DZIP1: variants seen among roughly 807,000 people sequenced by gnomAD.
DZIP1 encodes the protein DAZ interacting zinc finger protein 1.
In DZIP1, 97 loss-of-function variants were observed where a neutral mutation model predicts 107.6. That is an observed-to-expected ratio of 0.90 (90% CI 0.77 to 1.07). The LOEUF is 1.07. Ranked by LOEUF, DZIP1 falls within the 50% of genes least tolerant of loss-of-function variation. The pLI, the probability that DZIP1 is intolerant of heterozygous loss-of-function variation, is 0.00. For missense variants in DZIP1, 1,035 were observed against 1,063.6 expected (o/e 0.97, Z 0.37); for synonymous variants, 390 against 386.4 (o/e 1.01, Z -0.11).
chr13:95,609,398 G>A (rs1424340964), intron 13 of DZIP1, 59 bp downstream of exon 13: 17 of 1,150,146 alleles, frequency 1.5e-5, no homozygotes, highest in Non-Finnish European at 2.0e-5. Flanking sequence ...TAAAAGTTAT[G>A]TTTTGGTTTA....
intron 12 of DZIP1, 141 bp from the exon 13 acceptor site, chr13:95,609,654 A>G: frequency 4.3e-6 from 2 of 460,782 alleles, no homozygotes; most frequent in Non-Finnish European, 7.7e-6. Flanking sequence ...GAGAATAAAT[A>G]TGTGTAACAT....
intron 16 of DZIP1, among the ~76,000 whole-genome samples, chr13:95,592,941 T>A (rs2044351238): frequency 6.6e-6 from 1 of 152,144 alleles, no homozygotes; most frequent in Non-Finnish European, 1.5e-5. Flanking sequence ...ACCCTTTCCC[T>A]CCGATTGGGA....
chr13:95,639,035 A>T (rs1195949633), intron 5 of DZIP1, among the ~76,000 whole-genome samples: 1 of 152,192 alleles, frequency 6.6e-6, no homozygotes, highest in Non-Finnish European at 1.5e-5. Context: ...TTTTTCCCTC[A>T]TTCCCAGGTA....
Position 95,581,348 on chromosome 13 carries a change from A to G in DZIP1, c.*886T>C, listed in dbSNP as rs1431232750. The G allele has an allele frequency of 6.6e-6, 1 of 152,670 alleles. No homozygotes were observed. The highest frequency in any genetic ancestry group is 2.4e-5 in the African/African-American group (1 of 41,460). The allele number at this position is 152,670 out of a possible 1,614,324, so 9.5% of individuals were successfully genotyped here. A position where few individuals can be genotyped will look rare whatever the true frequency, so the allele number is the denominator to read the frequency against. ...TGTTGGGTATTTTAAATAGTAAAAA[A>G]AAACATACATATGTGAATTCAGTAA... On this transcript the variant is annotated 3_prime_UTR_variant, in exon 23 of 23. Coordinates refer to ENST00000376829, the MANE Select transcript of DZIP1 (RefSeq NM_198968.4).
intron 19 of DZIP1, among the ~76,000 whole-genome samples, chr13:95,588,886 T>G (rs528664779): frequency 2.6e-5 from 4 of 152,342 alleles, no homozygotes; most frequent in Admixed American, 2.6e-4. Context: ...GAGAAATTAC[T>G]CAACATTGTA....
chr13:95,601,820 C>A (rs1594671508), intron 14 of DZIP1, among the ~76,000 whole-genome samples: 1 of 152,318 alleles, frequency 6.6e-6, no homozygotes, highest in Admixed American at 6.5e-5. Context: ...GTTCACTGTG[C>A]TCTGACTTTC....
chr13:95,587,701 G>T lies in DZIP1; in HGVS notation c.2056C>A (p.Gln686Lys). Residue 686 changes from glutamine to lysine, a missense_variant, in exon 20 of 23, where the codon CAG becomes AAG. Coordinates refer to ENST00000376829, the MANE Select transcript of DZIP1 (RefSeq NM_198968.4). The stretch of plus-strand genomic sequence containing the variant: ...GCCCGGATGAGGTCGTCGTCCTCCT[G>T]CTCCTCCTCTGAACTAAAAGGAGGG... ...TTPPFSSEEEQEDDDLIRAYA... is the reference protein window; with the variant it reads ...TTPPFSSEEEKEDDDLIRAYA... 6.2e-7 allele frequency: 1 copy of T among 1,614,058 alleles called. No homozygotes were observed. The highest frequency in any genetic ancestry group is 1.3e-5 in the African/African-American group (1 of 75,018).
intron 16 of DZIP1, among the ~76,000 whole-genome samples, chr13:95,593,015 A>T (rs548866568): frequency 6.6e-6 from 1 of 152,310 alleles, no homozygotes; most frequent in East Asian, 1.9e-4. Flanking sequence ...GGAAATGTTC[A>T]ATCTCATCAT....
At chr13:95,620,358 T>C (rs1285385655) in intron 9 of DZIP1, among the ~76,000 whole-genome samples, 1 of 152,200 alleles carries the variant, frequency 6.6e-6, no homozygotes, top group African/African-American at 2.4e-5. Flanking sequence ...TGTGAGTCAA[T>C]TAAACCTCTT....
At chr13:95,617,945 TG>T (rs769552496) in intron 10 of DZIP1, 1 of 518,886 alleles carries the variant, frequency 1.9e-6, no homozygotes, top group Non-Finnish European at 3.8e-6. Context: ...GATGAGCATC[TG>T]GAGGAACGAG....
At chr13:95,596,010 C>A (rs528067475) in intron 15 of DZIP1, among the ~76,000 whole-genome samples, 1 of 152,144 alleles carries the variant, frequency 6.6e-6, no homozygotes, top group South Asian at 2.1e-4. Context: ...TACGCATTTC[C>A]CCCTGTCCTC....
At chr13:95,640,359 C>T (rs1355655481) in intron 5 of DZIP1, among the ~76,000 whole-genome samples, 1 of 152,162 alleles carries the variant, frequency 6.6e-6, no homozygotes, top group African/African-American at 2.4e-5. Context: ...GCAATATTAA[C>T]TGCACCATTT....
chr13:95,597,947 G>A (rs571436325), intron 15 of DZIP1, among the ~76,000 whole-genome samples: 16 of 152,286 alleles, frequency 1.1e-4, no homozygotes, highest in African/African-American at 3.9e-4. Context: ...TGATGCCTGG[G>A]CTGTGGTGGT....
chr13:95,613,567 G>A (rs770851596), intron 10 of DZIP1, among the ~76,000 whole-genome samples: 8 of 152,032 alleles, frequency 5.3e-5, no homozygotes, highest in Non-Finnish European at 8.8e-5. Flanking sequence ...CTATGTCCTG[G>A]AAGTGGTGAC....
chr13:95,609,770 T>C (rs1027233031), intron 12 of DZIP1, among the ~76,000 whole-genome samples: 6 of 152,206 alleles, frequency 3.9e-5, no homozygotes, highest in Non-Finnish European at 8.8e-5. Flanking sequence ...CTCTTGTTAT[T>C]TGAAGAGGAG....
intron 13 of DZIP1, among the ~76,000 whole-genome samples, chr13:95,608,853 C>T (rs2044877353): frequency 6.6e-6 from 1 of 152,238 alleles, no homozygotes. Context: ...CCATACTCCT[C>T]TCACAGTCAG....
rs760106336 is a variant in DZIP1 at position 95,590,288 on chromosome 13, G to A, written c.1834C>T (p.Leu612Phe). Residue 612 changes from leucine to phenylalanine, a missense_variant, in exon 17 of 23, where the codon CTC becomes TTC. Physicochemically the swap from Leu to Phe is conservative, Grantham distance 22. Transcript: ENST00000376829. The part of the protein sequence containing the change: ...VSCKIEEKAL[L>F]SSDQCSVSQM... Reference sequence around the variant, plus strand: ...TGGGTAACAAGCTTACCTGAAGAGAGTAGTGCTTTCTCCTCAATTTTACAG... The same window carrying A: ...TGGGTAACAAGCTTACCTGAAGAGAATAGTGCTTTCTCCTCAATTTTACAG... The A allele has an allele frequency of 1.2e-6, 2 of 1,611,856 alleles. No homozygotes were observed. The highest frequency in any genetic ancestry group is 1.7e-6 in the Non-Finnish European group (2 of 1,179,046).
chr13:95,644,489 G>A lies in DZIP1; in HGVS notation c.-638C>T, dbSNP rs1177724723. 1 of 152,908 alleles carries A rather than the reference G, an allele frequency of 6.5e-6. No homozygotes were observed. The highest frequency in any genetic ancestry group is 2.4e-5 in the African/African-American group (1 of 41,462). 9.5% of individuals were successfully genotyped at this position (152,908 alleles called of 1,614,324 possible). A position where few individuals can be genotyped will look rare whatever the true frequency, so the allele number is the denominator to read the frequency against. On this transcript the variant is annotated 5_prime_UTR_variant, in exon 1 of 23. Transcript: ENST00000376829. Reference sequence around the variant, plus strand: ...GCGGGCCGGGCCCGCGGAGGCCGAGGAGCAGCAAAGCGGAGAGAGGCAGGC... The same window carrying A: ...GCGGGCCGGGCCCGCGGAGGCCGAGAAGCAGCAAAGCGGAGAGAGGCAGGC...
chr13:95,629,491 G>A (rs535210748), intron 7 of DZIP1, among the ~76,000 whole-genome samples: 1 of 152,292 alleles, frequency 6.6e-6, no homozygotes, highest in South Asian at 2.1e-4. Context: ...GAGTATGGAG[G>A]AAGAGGGTCA....
Sources: gnomAD v4.1 joint callset for allele counts (sites outside exome capture counted in the v4.1 genomes callset) on GRCh38, gnomAD v4.1.1 for gene constraint, MANE v1.5 for transcripts, NCBI Gene and HGNC (gene_info 2026-07-23, HGNC 2026-07-21) for gene names.